MAP4K5: variants seen among roughly 807,000 people sequenced by gnomAD.
MAP4K5 encodes the protein MAPK/ERK kinase kinase kinase 5.
Under a neutral mutation model 135.6 loss-of-function variants are expected in MAP4K5, and 82 were observed. That is an observed-to-expected ratio of 0.60 (90% CI 0.51 to 0.73). The LOEUF (loss-of-function observed/expected upper bound fraction) is 0.73. MAP4K5 is among the 30% of genes least tolerant of loss of function. The pLI is 0.00. For missense variants in MAP4K5, 907 were observed against 1,010.9 expected (o/e 0.90, Z 1.39); for synonymous variants, 347 against 335.0 (o/e 1.04, Z -0.39).
intron 6 of MAP4K5, among the ~76,000 whole-genome samples, chr14:50,480,869 A>ACTGTGTATCTAAACATAT (rs977653100): frequency 6.6e-6 from 1 of 152,216 alleles, no homozygotes; most frequent in Non-Finnish European, 1.5e-5. Context: ...AATGACAATT[A>ACTGTGTATCTAAACATAT]CTGTGTATCT....
chr14:50,451,349 C>G (rs188914668), intron 14 of MAP4K5, among the ~76,000 whole-genome samples: 1 of 151,856 alleles, frequency 6.6e-6, no homozygotes, highest in African/African-American at 2.4e-5. Context: ...AGTGTTCTTA[C>G]GTATATAACT....
chr14:50,478,341 T>C (rs1462911034), intron 6 of MAP4K5, among the ~76,000 whole-genome samples: 1 of 152,150 alleles, frequency 6.6e-6, no homozygotes, highest in Non-Finnish European at 1.5e-5. Flanking sequence ...TTATTGCTCA[T>C]CTCAAAGAAT....
chr14:50,521,275 T>C (rs2038145912), intron 2 of MAP4K5, among the ~76,000 whole-genome samples: 1 of 152,208 alleles, frequency 6.6e-6, no homozygotes, highest in Non-Finnish European at 1.5e-5. Context: ...CATAAATCCC[T>C]CATTTCTCAG....
chr14:50,482,338 A>C, intron 6 of MAP4K5, 23 bp downstream of exon 6: 1 of 1,412,702 alleles, frequency 7.1e-7, no homozygotes, highest in South Asian at 1.4e-5. Context: ...TGCCTTTCTA[A>C]CTATATTAAG....
intron 3 of MAP4K5, among the ~76,000 whole-genome samples, chr14:50,496,803 G>A (rs906892998): frequency 5.3e-5 from 8 of 150,506 alleles, no homozygotes; most frequent in Non-Finnish European, 1.0e-4. Context: ...GTGAACCACC[G>A]CTCCCAGACC....
intron 3 of MAP4K5, among the ~76,000 whole-genome samples, chr14:50,488,990 T>C (rs1269388279): frequency 6.6e-6 from 1 of 152,250 alleles, no homozygotes; most frequent in African/African-American, 2.4e-5. Context: ...GTAGCTATTC[T>C]TTGATGGCCT....
At chr14:50,554,663 C>G (rs1217838744) in intron 1 of MAP4K5, among the ~76,000 whole-genome samples, 1 of 152,200 alleles carries the variant, frequency 6.6e-6, no homozygotes, top group Non-Finnish European at 1.5e-5. Flanking sequence ...GGAAAACAAT[C>G]TCATTGCTCA....
At chr14:50,551,522 C>G (rs574654666) in intron 1 of MAP4K5, among the ~76,000 whole-genome samples, 1 of 152,226 alleles carries the variant, frequency 6.6e-6, no homozygotes, top group Non-Finnish European at 1.5e-5. Flanking sequence ...CTAAATCATT[C>G]TTTGAAGGCA....
chr14:50,422,505 G>C (rs2035756033), intron 32 of MAP4K5, among the ~76,000 whole-genome samples: 1 of 151,836 alleles, frequency 6.6e-6, no homozygotes, highest in Non-Finnish European at 1.5e-5. Flanking sequence ...CTTTTGGTGG[G>C]AAAAGAGGAA....
rs919390551 is a variant in MAP4K5 at position 50,440,077 on chromosome 14, AG to A, written c.1645-5del. ...AAGTACACTTCCGTGGAAATAACTA[AG>A]AAAAAGAAGATAATTAAGATTCTCT... is the stretch of plus-strand genomic sequence containing the variant. On this transcript the variant is annotated splice_polypyrimidine_tract_variant and splice_region_variant and intron_variant, in intron 22 of 32. Transcript: ENST00000682126. 3 of 1,439,982 alleles carry A rather than the reference AG, an allele frequency of 2.1e-6. No individual in the cohort carries two copies. The highest frequency in any genetic ancestry group is 2.9e-5 in the African/African-American group (2 of 69,834). 89.2% of individuals were successfully genotyped at this position (1,439,982 alleles called of 1,614,324 possible).
At chr14:50,507,345 A>G (rs575056190) in intron 2 of MAP4K5, among the ~76,000 whole-genome samples, 1 of 152,040 alleles carries the variant, frequency 6.6e-6, no homozygotes, top group East Asian at 1.9e-4. Flanking sequence ...TTGTGTCTCT[A>G]TCTCCTTCAG....
chr14:50,474,707 C>G lies in MAP4K5; in HGVS notation c.542+370G>C, dbSNP rs372248464. On this transcript the variant is annotated intron_variant, in intron 9 of 32. Coordinates refer to ENST00000682126, the MANE Select transcript of MAP4K5 (RefSeq NM_006575.6). ...GCACACGTTTACCTATGTAACAAAC[C>G]TAGACATCCTGCACATGTACCCTGC... Among the ~76,000 whole-genome samples the G allele has an allele frequency of 7.2e-5, 11 of 152,164 alleles. No homozygotes were observed. In the East Asian group the frequency reaches 7.7e-4, roughly 11 times the overall value.
intron 31 of MAP4K5, among the ~76,000 whole-genome samples, chr14:50,424,136 C>T (rs2035792386): frequency 6.6e-6 from 1 of 150,912 alleles, no homozygotes; most frequent in Non-Finnish European, 1.5e-5. Flanking sequence ...TTAGAGGAAC[C>T]CACACTAAGA....
chr14:50,516,641 C>G (rs1384922866), intron 2 of MAP4K5, among the ~76,000 whole-genome samples: 1 of 152,130 alleles, frequency 6.6e-6, no homozygotes, highest in Non-Finnish European at 1.5e-5. Flanking sequence ...TTAAAGTCAT[C>G]CAATCCAATC....
intron 13 of MAP4K5, among the ~76,000 whole-genome samples, chr14:50,458,020 C>T (rs1363329168): frequency 2.0e-5 from 3 of 152,158 alleles, no homozygotes; most frequent in South Asian, 4.1e-4. Flanking sequence ...CACAGCAGAA[C>T]ACACTGAAAA....
rs34549753 is a variant in MAP4K5, at chr14:50,490,130, A to AGTGTGTGT, written c.167-3944_167-3937dup. 2.5e-3 allele frequency among the ~76,000 whole-genome samples: 309 copies of AGTGTGTGT among 121,252 alleles called. 6 individuals are homozygous for AGTGTGTGT. Among genetic ancestry groups the AGTGTGTGT allele is most frequent in the African/African-American group, 9.5e-3 (292 of 30,856 alleles). The allele number at this position is 121,252 out of a possible 152,430, so 79.5% of individuals were successfully genotyped here. Reference sequence around the variant, plus strand: ...CAGAGAGAGACAGAGAGCGAGTGAGAGTGTGTGTGTGTGTGTGTGTGTGTG... The same window carrying AGTGTGTGT: ...CAGAGAGAGACAGAGAGCGAGTGAGAGTGTGTGTGTGTGTGTGTGTGTGTGTGTGTGTG... On this transcript the variant is annotated intron_variant, in intron 3 of 32. Coordinates refer to ENST00000682126, the MANE Select transcript of MAP4K5 (RefSeq NM_006575.6).
At chr14:50,454,237 G>A (rs1471734036) in intron 14 of MAP4K5, among the ~76,000 whole-genome samples, 1 of 152,174 alleles carries the variant, frequency 6.6e-6, no homozygotes, top group African/African-American at 2.4e-5. Context: ...ACAGAGATCA[G>A]AATAGTAATT....
chr14:50,503,870 A>C (rs2037756543), intron 3 of MAP4K5, among the ~76,000 whole-genome samples: 1 of 152,094 alleles, frequency 6.6e-6, no homozygotes, highest in Non-Finnish European at 1.5e-5. Flanking sequence ...AGGACAGGCA[A>C]AGGCTTGTAT....
In MAP4K5 at chr14:50,462,772, C is replaced by T; in HGVS notation, c.829G>A (p.Val277Ile). ...GCTCTAGAGAGACCTGGCTGTGCAA[C>T]AAAAGTGTGCTAAAAGACAACAAAA... ...TAERLLTHTFVAQPGLSRALA... is the reference protein window; with the variant it reads ...TAERLLTHTFIAQPGLSRALA... Residue 277 changes from valine (V) to isoleucine (I), a missense_variant, in exon 13 of 33, where the codon GTT becomes ATT. Coordinates refer to ENST00000682126, the MANE Select transcript of MAP4K5 (RefSeq NM_006575.6). 1 of 1,603,356 alleles carries T rather than the reference C, an allele frequency of 6.2e-7. No individual in the cohort carries two copies. Among genetic ancestry groups the T allele is most frequent in the Non-Finnish European group, 8.5e-7 (1 of 1,171,588 alleles).
Sources: allele counts gnomAD v4.1 joint callset (sites outside exome capture counted in the v4.1 genomes callset), GRCh38; gene constraint gnomAD v4.1.1; transcripts MANE v1.5; gene names NCBI Gene and HGNC (gene_info 2026-07-23, HGNC 2026-07-21).